The following IPO9 variants were observed in gnomAD, a reference collection of about 807,000 sequenced individuals.
IPO9 encodes the protein importin 9.
In IPO9, 28 loss-of-function variants were observed where a neutral mutation model predicts 128.6. The observed-to-expected ratio is 0.22, with a 90% confidence interval of 0.16 to 0.30. IPO9 has a LOEUF of 0.30. Ranked by LOEUF, IPO9 falls within the 10% of genes least tolerant of loss-of-function variation. The pLI is 1.00. For missense variants in IPO9, 935 were observed against 1,293.9 expected (o/e 0.72, Z 4.26); for synonymous variants, 455 against 475.8 (o/e 0.96, Z 0.57).
At chr1:201,829,444 G>T in intron 1 of IPO9, 72 bp downstream of exon 1, 1 of 1,404,556 alleles carries the variant, frequency 7.1e-7, no homozygotes, top group Non-Finnish European at 9.4e-7. Context: ...GTACCGGCTG[G>T]GGACATGGGG....
intron 1 of IPO9, among the ~76,000 whole-genome samples, chr1:201,837,013 C>T (rs368799677): frequency 3.9e-5 from 6 of 152,136 alleles, no homozygotes; most frequent in East Asian, 1.9e-4. Flanking sequence ...TTCTTTCATG[C>T]GTGAAAGAAA....
At chr1:201,856,420 G>T (rs1680330553) in intron 10 of IPO9, among the ~76,000 whole-genome samples, 1 of 152,086 alleles carries the variant, frequency 6.6e-6, no homozygotes, top group Non-Finnish European at 1.5e-5. Context: ...TCAAAAATTA[G>T]ATAACGCCTC....
Position 201,854,724 on chromosome 1 carries a change from T to A in IPO9, c.810+10T>A. On this transcript the variant is annotated intron_variant, in intron 7 of 23. Transcript: ENST00000361565. ...GATGGAGGTCCTAAAGGTAAACACT[T>A]ACTACCAATGAAATATTTGGAGTTT... The A allele has an allele frequency of 1.2e-6, 2 of 1,612,632 alleles. No homozygotes were observed. Among genetic ancestry groups the A allele is most frequent in the South Asian group, 2.2e-5 (2 of 90,728 alleles).
chr1:201,855,107 T>C lies in IPO9; in HGVS notation c.912-17T>C, dbSNP rs1680304761. ...TAAAGCAGACTCCAAATTCTATTTCTTTACTCTTCATCATACTTATGTGAG... is the reference window on the plus strand; with the variant it reads ...TAAAGCAGACTCCAAATTCTATTTCCTTACTCTTCATCATACTTATGTGAG... On this transcript the variant is annotated splice_polypyrimidine_tract_variant and intron_variant, in intron 8 of 23. Coordinates refer to ENST00000361565, the MANE Select transcript of IPO9 (RefSeq NM_018085.5). The C allele has an allele frequency of 1.9e-6, 3 of 1,544,670 alleles. No homozygotes were observed. The highest frequency in any genetic ancestry group is 2.7e-6 in the Non-Finnish European group (3 of 1,122,040).
At chr1:201,874,102 G>C in intron 20 of IPO9, 148 bp from the exon 21 acceptor site, 1 of 764,344 alleles carries the variant, frequency 1.3e-6, no homozygotes, top group Non-Finnish European at 2.2e-6. Flanking sequence ...TTAACTTTAA[G>C]TCACTCTTTG....
At chr1:201,872,368 G>T (rs1680669477) in intron 19 of IPO9, among the ~76,000 whole-genome samples, 1 of 151,986 alleles carries the variant, frequency 6.6e-6, no homozygotes, top group African/African-American at 2.4e-5. Flanking sequence ...TGTAATCCCG[G>T]CACTTTGGAA....
intron 15 of IPO9, 58 bp from the exon 16 acceptor site, chr1:201,868,590 C>T (rs1055163682): frequency 1.2e-5 from 18 of 1,552,952 alleles, no homozygotes; most frequent in African/African-American, 6.8e-5. Flanking sequence ...CATCATTAAG[C>T]GAGAAGCAGA....
chr1:201,847,622 C>G lies in IPO9; in HGVS notation c.296C>G (p.Pro99Arg). ...WCAQSEKFRP[P>R]ETTERAKIVI... ...GCCCAATCAGAGAAATTTAGGCCTC[C>G]TGAAACTACAGAAAGGGTAAGTCAG... Residue 99 changes from proline (P) to arginine (R), a missense_variant, in exon 3 of 24, where the codon CCT (proline) becomes CGT (arginine). Pro to Arg is a moderately radical substitution (Grantham distance 103). Around this residue, in one of 3 missense-constraint regions of IPO9, gnomAD observed 741 missense variants for 1,019.1 expected, o/e 0.73. Coordinates refer to ENST00000361565, the MANE Select transcript of IPO9 (RefSeq NM_018085.5). 6.2e-7 allele frequency: 1 copy of G among 1,612,838 alleles called. No homozygotes were observed. Among genetic ancestry groups the G allele is most frequent in the Non-Finnish European group, 8.5e-7 (1 of 1,178,904 alleles).
At chr1:201,859,030 T>C in intron 13 of IPO9, 36 bp downstream of exon 13, 1 of 1,585,282 alleles carries the variant, frequency 6.3e-7, no homozygotes, top group East Asian at 2.3e-5. Flanking sequence ...CTAGAAACTC[T>C]TTAAACCTGT....
intron 13 of IPO9, among the ~76,000 whole-genome samples, chr1:201,861,117 G>A (rs1484546678): frequency 6.6e-6 from 1 of 152,030 alleles, no homozygotes. Context: ...AGTGAGCCGA[G>A]ATTGTGCCAG....
In IPO9 at chr1:201,870,633, A is replaced by G. The variant is rs1680632188; in HGVS notation, c.2184A>G (p.Val728=). The change falls in exon 18 of 24, where the codon GTA becomes GTG. Residue 728 remains valine, a synonymous_variant. Coordinates refer to ENST00000361565, the MANE Select transcript of IPO9 (RefSeq NM_018085.5). This position sits in a 1 kb window ranked among gnomAD's most constrained non-coding sequence, Gnocchi z 4.9. ...RAYVSVTLEQ[V]AQWHDEQGHN... is the part of the protein sequence containing the mutation. ...ATGTGTCAGTGACCCTGGAACAAGT[A>G]GCCCAGTGGCATGATGAGCAGGGCC... 2 of 1,614,216 alleles carry G rather than the reference A, an allele frequency of 1.2e-6. No individual in the cohort carries two copies. The highest frequency in any genetic ancestry group is 1.7e-6 in the Non-Finnish European group (2 of 1,180,046).
intron 1 of IPO9, among the ~76,000 whole-genome samples, chr1:201,833,854 T>G (rs1315715708): frequency 6.6e-6 from 1 of 152,204 alleles, no homozygotes; most frequent in Non-Finnish European, 1.5e-5. Context: ...GGTGTGATCA[T>G]AGCTTACTGC....
intron 1 of IPO9, among the ~76,000 whole-genome samples, chr1:201,837,442 T>C (rs1326621238): frequency 6.6e-6 from 1 of 152,208 alleles, no homozygotes. Context: ...ACTCCTGTGA[T>C]CAGTGCCAGA....
rs1322570887 is a variant in IPO9 at position 201,880,899 on chromosome 1, G to A, written c.*4845G>A. On this transcript the variant is annotated 3_prime_UTR_variant, in exon 24 of 24. Coordinates refer to ENST00000361565, the MANE Select transcript of IPO9 (RefSeq NM_018085.5). ...CACTTTATTATAAAATAGGCTTTGT[G>A]TTAGATGAGTTTGCCCAACTGTAAG... 6.6e-6 allele frequency: 1 copy of A among 152,226 alleles called. No homozygotes were observed. The highest frequency in any genetic ancestry group is 1.9e-4 in the East Asian group (1 of 5,202). The allele number at this position is 152,226 out of a possible 1,614,324, so 9.4% of individuals were successfully genotyped here. A position where few individuals can be genotyped will look rare whatever the true frequency, so the allele number is the denominator to read the frequency against.
rs199803992 is a variant in IPO9, at chr1:201,872,795, C to T, written c.2577-33C>T. The stretch of plus-strand genomic sequence containing the variant: ...CTTGGAGTGAACTCGAGATGGGCGG[C>T]TGATTGACCTTTTTTTGGATCTTCC... On this transcript the variant is annotated intron_variant, in intron 19 of 23. Coordinates refer to ENST00000361565, the MANE Select transcript of IPO9 (RefSeq NM_018085.5). 5.5e-4 allele frequency: 878 copies of T among 1,591,196 alleles called. 8 individuals carry two copies. The African/African-American group carries it at 0.011, about 19-fold the overall frequency.
At chr1:201,843,010 C>G (rs753073805) in intron 1 of IPO9, among the ~76,000 whole-genome samples, 5 of 152,284 alleles carry the variant, frequency 3.3e-5, no homozygotes, top group Middle Eastern at 3.4e-3. Flanking sequence ...GCTACTGTTT[C>G]TTCTCTCTTA....
At chr1:201,873,020 G>A in intron 20 of IPO9, 59 bp downstream of exon 20, 1 of 1,530,190 alleles carries the variant, frequency 6.5e-7, no homozygotes, top group Admixed American at 2.0e-5. Flanking sequence ...AAGGATACCT[G>A]GGTGAAGGGA....
rs1195429932 is a variant in IPO9 at position 201,829,291 on chromosome 1, A to G, written c.82A>G (p.Thr28Ala). Residue 28 changes from threonine (T) to alanine (A), a missense_variant, in exon 1 of 24, where the codon ACG (threonine) becomes GCG (alanine). Around this residue, in one of 3 missense-constraint regions of IPO9, gnomAD observed 741 missense variants for 1,019.1 expected, o/e 0.73. Transcript: ENST00000361565. ...AQGLKEALVDTLTGILSPVQE... is the reference protein window; with the variant it reads ...AQGLKEALVDALTGILSPVQE... ...AGGATTAAAGGAAGCGTTAGTGGATACGCTCACCGGGATCCTATCCCCAGT... is the reference window on the plus strand; with the variant it reads ...AGGATTAAAGGAAGCGTTAGTGGATGCGCTCACCGGGATCCTATCCCCAGT... 7 of 1,600,290 alleles carry G rather than the reference A, an allele frequency of 4.4e-6. No homozygotes were observed. The highest frequency in any genetic ancestry group is 1.3e-5 in the African/African-American group (1 of 74,412).
rs950817034 is a variant in IPO9 at position 201,859,072 on chromosome 1, G to C, written c.1468+78G>C. 1.6e-5 allele frequency: 23 copies of C among 1,418,594 alleles called. No homozygotes were observed. The African/African-American group carries it at 2.8e-4, about 17-fold the overall frequency. 87.9% of individuals were successfully genotyped at this position (1,418,594 alleles called of 1,614,324 possible). On this transcript the variant is annotated intron_variant, in intron 13 of 23. Transcript: ENST00000361565. ...GTTGGGGGAGGGATCAGCATTAGGAGATATACCTGATGTAAGTGACAAGTT... is the reference window on the plus strand; with the variant it reads ...GTTGGGGGAGGGATCAGCATTAGGACATATACCTGATGTAAGTGACAAGTT...
Sources: gnomAD v4.1 joint callset for allele counts (sites outside exome capture counted in the v4.1 genomes callset) on GRCh38, gnomAD v4.1.1 for gene constraint, gnomAD v4.1.1 regional missense constraint, Gnocchi (gnomAD v3.1) non-coding constraint, MANE v1.5 for transcripts, NCBI Gene and HGNC (gene_info 2026-07-23, HGNC 2026-07-21) for gene names.